TXLNB: variants seen among roughly 807,000 people sequenced by gnomAD.
TXLNB encodes beta-taxilin.
In TXLNB, 37 loss-of-function variants were observed where a neutral mutation model predicts 57.4. The ratio of observed to expected loss-of-function variants is 0.64; its 90% confidence interval spans 0.50 to 0.85. The LOEUF (loss-of-function observed/expected upper bound fraction) is 0.85, where lower values mean the gene tolerates loss of function less well. Among genes scored for constraint, TXLNB ranks in the 40% least tolerant of loss-of-function variants. TXLNB has a pLI of 0.00. For missense variants in TXLNB, 848 were observed against 825.6 expected (o/e 1.03, Z -0.33); for synonymous variants, 302 against 309.6 (o/e 0.98, Z 0.26).
the TXLNB span, among the ~76,000 whole-genome samples, chr6:139,316,915 A>G: frequency 0.12 from 17,556 of 152,244 alleles, 1,214 homozygotes; most frequent in Non-Finnish European, 0.15. Flanking sequence ...CAAAGGTTGG[A>G]GTTCAATACT....
chr6:139,210,703 G>A, the TXLNB span, among the ~76,000 whole-genome samples: 2 of 152,398 alleles, frequency 1.3e-5, no homozygotes, highest in Admixed American at 1.3e-4. Flanking sequence ...CCCGGGAAGT[G>A]CAAGGGGTCA....
At chr6:139,206,464 T>G in the TXLNB span, among the ~76,000 whole-genome samples, 2 of 152,050 alleles carry the variant, frequency 1.3e-5, no homozygotes, top group African/African-American at 4.8e-5. Flanking sequence ...GTCAGGAGAT[T>G]GAGACCATCC....
intron 2 of TXLNB, 61 bp from the exon 3 acceptor site, chr6:139,276,982 G>A: frequency 3.1e-6 from 4 of 1,291,974 alleles, no homozygotes; most frequent in Non-Finnish European, 2.1e-6. Context: ...GATAAGGGCT[G>A]GAGTCTCAGA....
the TXLNB span, among the ~76,000 whole-genome samples, chr6:139,314,339 G>C: frequency 6.6e-6 from 1 of 152,172 alleles, no homozygotes; most frequent in Non-Finnish European, 1.5e-5. Context: ...ACAACGCCCT[G>C]CTTGTCTTAA....
the TXLNB span, among the ~76,000 whole-genome samples, chr6:139,317,068 T>C: frequency 6.6e-6 from 1 of 152,150 alleles, no homozygotes; most frequent in Non-Finnish European, 1.5e-5. Flanking sequence ...AAGCAGAAAG[T>C]GGAAGCTAAG....
At chr6:139,179,658 C>G in the TXLNB span, 1 of 152,086 alleles carries the variant, frequency 6.6e-6, no homozygotes, top group African/African-American at 2.4e-5. Flanking sequence ...AAAATATAAT[C>G]GAATATTCAA....
intron 8 of TXLNB, 79 bp from the exon 9 acceptor site, chr6:139,244,769 C>A (rs764546275): frequency 5.4e-5 from 49 of 902,892 alleles, no homozygotes; most frequent in Non-Finnish European, 7.2e-5. Context: ...TATGTGAGAC[C>A]AGGAGAAGCC....
At chr6:139,166,651 G>A in the TXLNB span, 1 of 1,614,132 alleles carries the variant, frequency 6.2e-7, no homozygotes, top group East Asian at 2.2e-5. Context: ...ACACAGGGAG[G>A]CCTCCTGGTG....
the TXLNB span, among the ~76,000 whole-genome samples, chr6:139,224,213 G>A: frequency 6.7e-6 from 1 of 149,534 alleles, no homozygotes; most frequent in Non-Finnish European, 1.5e-5. Context: ...ACCAAACACT[G>A]CATATTCTCA....
At chr6:139,214,899 A>G in the TXLNB span, among the ~76,000 whole-genome samples, 2 of 152,202 alleles carry the variant, frequency 1.3e-5, no homozygotes, top group Non-Finnish European at 2.9e-5. Flanking sequence ...AGAATAAAAT[A>G]CCTAGGAATC....
At chr6:139,193,902 CGCGATCTCGGCTCACT>C in the TXLNB span, among the ~76,000 whole-genome samples, 1 of 138,410 alleles carries the variant, frequency 7.2e-6, no homozygotes, top group Non-Finnish European at 1.5e-5. Flanking sequence ...AGTGCAGTGG[CGCGATCTCGGCTCACT>C]GCAAGCTCCA....
the TXLNB span, among the ~76,000 whole-genome samples, chr6:139,189,076 A>G: frequency 6.6e-6 from 1 of 152,170 alleles, no homozygotes; most frequent in African/African-American, 2.4e-5. Flanking sequence ...TTAACCTCGT[A>G]TTCTATGTAG....
At chr6:139,269,668 T>A (rs1366530314) in intron 4 of TXLNB, among the ~76,000 whole-genome samples, 1 of 152,244 alleles carries the variant, frequency 6.6e-6, no homozygotes, top group African/African-American at 2.4e-5. Context: ...TAAACGCTTA[T>A]AATAATAACT....
intron 7 of TXLNB, among the ~76,000 whole-genome samples, chr6:139,251,804 C>T (rs1562274283): frequency 6.6e-6 from 1 of 152,296 alleles, no homozygotes; most frequent in East Asian, 1.9e-4. Context: ...TCTTGGTGAA[C>T]CTGTGAGATT....
intron 4 of TXLNB, among the ~76,000 whole-genome samples, chr6:139,268,011 C>A (rs1436047084): frequency 1.3e-5 from 2 of 151,942 alleles, no homozygotes; most frequent in Non-Finnish European, 2.9e-5. Flanking sequence ...ATTAGCCAGG[C>A]ATGGTGGCGG....
At chr6:139,257,912 G>GC (rs1211220263) in intron 6 of TXLNB, among the ~76,000 whole-genome samples, 1 of 152,172 alleles carries the variant, frequency 6.6e-6, no homozygotes, top group Non-Finnish European at 1.5e-5. Context: ...GTGCAATGAA[G>GC]ATTGATTCTC....
In TXLNB at chr6:139,242,731, G is replaced by A. The variant is rs756636295; in HGVS notation, c.1850C>T (p.Ala617Val). ...CTTCTGTAGGGAGGCCTCGGTGGGA[G>A]CCTGTGGGGCCTGACCGGAAGCTTC... ...EAEASGQAPQAPTEASLQKME... is the reference protein window; with the variant it reads ...EAEASGQAPQVPTEASLQKME... The change falls in exon 10 of 10, where the codon GCT becomes GTT. Residue 617 changes from alanine (A) to valine (V), a missense_variant. By Grantham distance (64) the Ala-to-Val change is moderately conservative. Coordinates refer to ENST00000358430, the MANE Select transcript of TXLNB (RefSeq NM_153235.4). The A allele has an allele frequency of 1.2e-6, 2 of 1,613,566 alleles. No individual in the cohort carries two copies. The highest frequency in any genetic ancestry group is 3.3e-5 in the Admixed American group (2 of 59,918).
intron 2 of TXLNB, 79 bp downstream of exon 2, chr6:139,288,397 T>G: frequency 3.0e-6 from 4 of 1,346,024 alleles, no homozygotes; most frequent in Non-Finnish European, 4.1e-6. Flanking sequence ...GGATGTGGCT[T>G]TTAGTGAAGT....
intron 2 of TXLNB, among the ~76,000 whole-genome samples, chr6:139,280,116 G>A (rs758881974): frequency 2.0e-4 from 31 of 152,008 alleles, no homozygotes; most frequent in Non-Finnish European, 2.8e-4. Context: ...AGCTGGTGTC[G>A]TGGCACATGC....
Sources: allele counts gnomAD v4.1 joint callset (sites outside exome capture counted in the v4.1 genomes callset), GRCh38; gene constraint gnomAD v4.1.1; transcripts MANE v1.5; gene names NCBI Gene and HGNC (gene_info 2026-07-23, HGNC 2026-07-21).